The following NUP210L variants were observed in gnomAD, a reference collection of about 807,000 sequenced individuals.
NUP210L encodes nuclear pore membrane glycoprotein 210-like.
Under a neutral mutation model 208.5 loss-of-function variants are expected in NUP210L, and 74 were observed. That is an observed-to-expected ratio of 0.35 (90% CI 0.29 to 0.43). The LOEUF (loss-of-function observed/expected upper bound fraction) is 0.43. NUP210L is among the 20% of genes least tolerant of loss of function. NUP210L has a pLI of 1.00. For missense variants in NUP210L, 1,843 were observed against 2,289.4 expected, an observed-to-expected ratio of 0.81 and a Z score of 3.98; for synonymous variants, 780 against 816.9, an observed-to-expected ratio of 0.95 and a Z score of 0.77.
At chr1:154,076,233 A>T (rs1281435506) in intron 16 of NUP210L, among the ~76,000 whole-genome samples, 1 of 150,298 alleles carries the variant, frequency 6.7e-6, no homozygotes, top group African/African-American at 2.5e-5. Flanking sequence ...CCTCCCTAGT[A>T]GCTGGGACTA....
Position 154,061,688 on chromosome 1 carries a change from GA to G in NUP210L, c.2555-15del. The G allele has an allele frequency of 1.4e-6, 2 of 1,465,914 alleles. No homozygotes were observed. Among genetic ancestry groups the G allele is most frequent in the Non-Finnish European group, 1.9e-6 (2 of 1,052,186 alleles). The allele number at this position is 1,465,914 out of a possible 1,614,324, so 90.8% of individuals were successfully genotyped here. On this transcript the variant is annotated splice_polypyrimidine_tract_variant and intron_variant, in intron 17 of 39. Transcript: ENST00000368559. ...GGATCTGATGACCTGGAAACATGCA[GA>G]AAAATACCCTGTGAGAAACAATAAC... is the stretch of plus-strand genomic sequence containing the variant.
At chr1:154,049,386 C>G (rs913797460) in intron 25 of NUP210L, among the ~76,000 whole-genome samples, 34 of 152,046 alleles carry the variant, frequency 2.2e-4, no homozygotes, top group Admixed American at 5.2e-4. Flanking sequence ...TAGTATGGGA[C>G]TAGAAAAATA....
intron 2 of NUP210L, 55 bp downstream of exon 2, chr1:154,152,681 C>A (rs1233358199): frequency 6.7e-7 from 1 of 1,493,454 alleles, no homozygotes; most frequent in Admixed American, 1.8e-5. Context: ...ATACAAAATA[C>A]CAGATTATTC....
intron 35 of NUP210L, among the ~76,000 whole-genome samples, chr1:154,002,563 T>C (rs1208735473): frequency 2.6e-5 from 4 of 151,676 alleles, no homozygotes; most frequent in African/African-American, 9.7e-5. Flanking sequence ...AGATGGACGT[T>C]GCAGTGAGCT....
At chr1:154,054,123 T>C in intron 25 of NUP210L, 105 bp downstream of exon 25, 1 of 1,198,248 alleles carries the variant, frequency 8.3e-7, no homozygotes, top group Non-Finnish European at 1.2e-6. Flanking sequence ...CTCTAAGGCT[T>C]TTCCTGGGCT....
chr1:154,072,674 G>T (rs1227370714), intron 16 of NUP210L, among the ~76,000 whole-genome samples: 1 of 152,098 alleles, frequency 6.6e-6, no homozygotes, highest in Non-Finnish European at 1.5e-5. Context: ...GTGGGGAAAT[G>T]ACACCCTATT....
chr1:154,006,169 T>C (rs557443074), intron 35 of NUP210L, among the ~76,000 whole-genome samples: 1 of 152,226 alleles, frequency 6.6e-6, no homozygotes, highest in East Asian at 1.9e-4. Context: ...AAAACTGCCT[T>C]CATTTTTATT....
chr1:154,134,257 G>C (rs1182750109), intron 7 of NUP210L, among the ~76,000 whole-genome samples: 1 of 151,552 alleles, frequency 6.6e-6, no homozygotes, highest in African/African-American at 2.4e-5. Flanking sequence ...GCATATAGTA[G>C]AAATATAATA....
chr1:154,029,002 G>A (rs1233384060), intron 28 of NUP210L, among the ~76,000 whole-genome samples: 1 of 151,730 alleles, frequency 6.6e-6, no homozygotes, highest in African/African-American at 2.4e-5. Flanking sequence ...GGCTGAGGCA[G>A]GGAGAATTAC....
Position 154,139,955 on chromosome 1 carries a change from A to G in NUP210L, c.567-3T>C. ...CTGCTTCGGAGTATTTAAGAATCCT[A>G]AAGACATAAAATAAAATGTGTTTCT... On this transcript the variant is annotated splice_polypyrimidine_tract_variant and splice_region_variant and intron_variant, in intron 4 of 39. Transcript: ENST00000368559. 1 of 1,600,506 alleles carries G rather than the reference A, an allele frequency of 6.2e-7. No homozygotes were observed.
intron 35 of NUP210L, among the ~76,000 whole-genome samples, chr1:154,009,202 C>T (rs778814656): frequency 1.3e-5 from 2 of 152,056 alleles, no homozygotes; most frequent in African/African-American, 4.8e-5. Flanking sequence ...TGAGCCACTG[C>T]GCCTGGCCCT....
intron 17 of NUP210L, among the ~76,000 whole-genome samples, chr1:154,064,138 T>G (rs1004556795): frequency 1.7e-4 from 26 of 152,036 alleles, no homozygotes; most frequent in Admixed American, 4.6e-4. Flanking sequence ...GCTTAAGTGA[T>G]TCTCTTGCCT....
At chr1:154,002,842 T>C (rs1304601621) in intron 35 of NUP210L, among the ~76,000 whole-genome samples, 1 of 151,978 alleles carries the variant, frequency 6.6e-6, no homozygotes, top group East Asian at 1.9e-4. Context: ...GAGCTGGGGA[T>C]ATAGAATGAA....
In NUP210L at chr1:154,026,145, G is replaced by C. The variant is rs1336748794; in HGVS notation, c.3948-429C>G. On this transcript the variant is annotated intron_variant, in intron 29 of 39. Coordinates refer to ENST00000368559, the Ensembl canonical transcript of NUP210L. ...AGCTTCTCGGGAGGCTGAGGCAGGA[G>C]AATGGCTTGAACCTGGGAGGCTGAG... Among the ~76,000 whole-genome samples the C allele has an allele frequency of 2.6e-5, 4 of 152,046 alleles. 1 individual carries two copies. The East Asian group carries it at 7.8e-4, about 30-fold the overall frequency.
At chr1:153,997,873 T>G (rs1195765411) in intron 37 of NUP210L, among the ~76,000 whole-genome samples, 1 of 151,400 alleles carries the variant, frequency 6.6e-6, no homozygotes, top group Admixed American at 6.6e-5. Flanking sequence ...TTATTTTTAT[T>G]TATTTTTTTT....
At chr1:154,076,474 A>G (rs929125273) in intron 16 of NUP210L, among the ~76,000 whole-genome samples, 2 of 152,226 alleles carry the variant, frequency 1.3e-5, no homozygotes, top group African/African-American at 4.8e-5. Flanking sequence ...AAAATACAAA[A>G]GTGCTATCAC....
intron 16 of NUP210L, among the ~76,000 whole-genome samples, chr1:154,086,889 T>C (rs1056325200): frequency 6.6e-6 from 1 of 151,846 alleles, no homozygotes; most frequent in African/African-American, 2.4e-5. Context: ...GAAAAGAGAC[T>C]TGTATGTAGA....
At chr1:154,113,171 T>A (rs553732663) in intron 12 of NUP210L, among the ~76,000 whole-genome samples, 2,399 of 145,660 alleles carry the variant, frequency 0.016, 65 homozygotes, top group African/African-American at 0.055. Context: ...AAAAAAAATA[T>A]ATATATATAT....
At chr1:154,144,852 C>T (rs751460336) in intron 2 of NUP210L, among the ~76,000 whole-genome samples, 7 of 152,202 alleles carry the variant, frequency 4.6e-5, no homozygotes, top group Admixed American at 3.3e-4. Flanking sequence ...GCCTCTAATC[C>T]CACCACGTTG....
Sources: allele counts gnomAD v4.1 joint callset (sites outside exome capture counted in the v4.1 genomes callset), GRCh38; gene constraint gnomAD v4.1.1; transcripts MANE v1.5; gene names NCBI Gene and HGNC (gene_info 2026-07-23, HGNC 2026-07-21).